The following ALPL variants were observed in gnomAD, a reference collection of about 807,000 sequenced individuals.
ALPL encodes alkaline phosphatase, tissue-nonspecific isozyme.
A neutral mutation model predicts 51.3 loss-of-function variants in ALPL; 42 were observed. The observed-to-expected ratio is 0.82, with a 90% CI of 0.64 to 1.06. The LOEUF (loss-of-function observed/expected upper bound fraction) is 1.06. Among genes scored for constraint, ALPL ranks in the 50% least tolerant of loss-of-function variants. The probability of loss-of-function intolerance (pLI) is 0.00; values close to 1 mark genes in which losing one functional copy is unlikely to be tolerated. For missense variants in ALPL, 589 were observed against 709.4 expected (o/e 0.83, Z 1.93); for synonymous variants, 279 against 296.4 (o/e 0.94, Z 0.60).
chr1:21,556,541 C>T (rs1469744012), intron 2 of ALPL, among the ~76,000 whole-genome samples: 1 of 152,092 alleles, frequency 6.6e-6, no homozygotes, highest in Non-Finnish European at 1.5e-5. Context: ...ACTTGGGAGG[C>T]TAAGGTGGGA....
In ALPL at chr1:21,577,478, C is replaced by T; in HGVS notation, c.1405C>T (p.His469Tyr). 6.2e-7 allele frequency: 1 copy of T among 1,610,306 alleles called. No homozygotes were observed. Among genetic ancestry groups the T allele is most frequent in the Non-Finnish European group, 8.5e-7 (1 of 1,179,922 alleles). ...CGTCTTCTCCAAGGGCCCCATGGCG[C>T]ACCTGCTGCACGGCGTCCACGAGCA... ...VAVFSKGPMA[H>Y]LLHGVHEQNY... Residue 469 changes from histidine (H) to tyrosine (Y), a missense_variant, in exon 12 of 12, where the codon CAC (histidine) becomes TAC (tyrosine). Transcript: ENST00000374840.
chr1:21,530,570 C>T (rs1430851346), intron 1 of ALPL, among the ~76,000 whole-genome samples: 3 of 152,086 alleles, frequency 2.0e-5, no homozygotes, highest in African/African-American at 7.2e-5. Flanking sequence ...TTCTCCCTCC[C>T]CCAGTGACTC....
intron 1 of ALPL, among the ~76,000 whole-genome samples, chr1:21,510,079 C>T (rs1412262680): frequency 1.3e-5 from 2 of 152,070 alleles, no homozygotes; most frequent in East Asian, 1.9e-4. Flanking sequence ...AGGACACCCG[C>T]GTGGGTGTCA....
Position 21,574,140 on chromosome 1 carries a change from G to A in ALPL, c.997+341G>A, listed in dbSNP as rs549836823. 31 of 985,478 alleles carry A rather than the reference G, an allele frequency of 3.1e-5. 1 individual carries two copies. The highest frequency in any genetic ancestry group is 5.2e-4 in the Middle Eastern group (1 of 1,914). 61.0% of individuals were successfully genotyped at this position (985,478 alleles called of 1,614,324 possible). A position where few individuals can be genotyped will look rare whatever the true frequency, so the allele number is the denominator to read the frequency against. ...ACTGCCCAGAAAAGCAAATCCGCAG[G>A]CCCCGGCTTTCCCACGCTGTGTGCT... On this transcript the variant is annotated intron_variant, in intron 9 of 11. Transcript: ENST00000374840.
At position 21,568,109 on chromosome 1, in the gene ALPL, C is replaced by G; in HGVS notation, c.654C>G (p.Ile218Met). The G allele has an allele frequency of 6.2e-7, 1 of 1,614,010 alleles. No homozygotes were observed. The highest frequency in any genetic ancestry group is 8.5e-7 in the Non-Finnish European group (1 of 1,180,004). Residue 218 changes from isoleucine (I) to methionine (M), a missense_variant, in exon 7 of 12, where the codon ATC (isoleucine) becomes ATG (methionine). By Grantham distance (10) the Ile-to-Met change is conservative. Transcript: ENST00000374840. The stretch of plus-strand genomic sequence containing the variant: ...ATGGCTCCTGTCTCTTTTAGGTGAT[C>G]ATGGGGGGTGGCCGGAAATACATGT... Reference protein sequence around the residue: ...LMHNIRDIDVIMGGGRKYMYP... With the variant: ...LMHNIRDIDVMMGGGRKYMYP...
At chr1:21,569,812 C>T (rs935455448) in intron 7 of ALPL, among the ~76,000 whole-genome samples, 6 of 152,186 alleles carry the variant, frequency 3.9e-5, no homozygotes, top group Admixed American at 6.5e-5. Flanking sequence ...GAAACAGCCA[C>T]GCCTTTATCT....
intron 1 of ALPL, among the ~76,000 whole-genome samples, chr1:21,534,594 G>A (rs1570209306): frequency 6.6e-6 from 1 of 152,146 alleles, no homozygotes; most frequent in African/African-American, 2.4e-5. Context: ...CAGCTCTGGG[G>A]CTGAACTCTA....
chr1:21,552,870 GT>G (rs1644352024), intron 1 of ALPL, among the ~76,000 whole-genome samples: 2 of 152,120 alleles, frequency 1.3e-5, no homozygotes, highest in African/African-American at 4.8e-5. Flanking sequence ...TCATATCTTG[GT>G]TTTGGCTGAA....
chr1:21,552,123 C>CCCCCCCCCCCCCCCCCCCCCCT (rs1553410475), intron 1 of ALPL, among the ~76,000 whole-genome samples: 2 of 50,186 alleles, frequency 4.0e-5, no homozygotes, highest in Non-Finnish European at 7.5e-5. Context: ...CTTCCCTTTC[C>CCCCCCCCCCCCCCCCCCCCCCT]TCCCTCCCCT....
At chr1:21,546,576 G>A (rs532185349) in intron 1 of ALPL, among the ~76,000 whole-genome samples, 4 of 152,208 alleles carry the variant, frequency 2.6e-5, no homozygotes, top group South Asian at 2.1e-4. Context: ...AGGCCCCTCC[G>A]TGCTGGCAAC....
At chr1:21,573,468 A>C (rs1644679948) in intron 8 of ALPL, among the ~76,000 whole-genome samples, 197 bp from the exon 9 acceptor site, 1 of 128,122 alleles carries the variant, frequency 7.8e-6, no homozygotes, top group East Asian at 6.2e-4. Flanking sequence ...AGAAAAAGAA[A>C]AAAGAAAAAA....
chr1:21,554,859 T>TTCTTTC (rs1644387831), intron 2 of ALPL, among the ~76,000 whole-genome samples: 1 of 133,940 alleles, frequency 7.5e-6, no homozygotes, highest in African/African-American at 2.8e-5. Context: ...CTTTCTTTCT[T>TTCTTTC]TCTTTCTTTC....
chr1:21,563,173 G>C lies in ALPL; in HGVS notation c.361G>C (p.Val121Leu), dbSNP rs1476072388. 1 of 1,613,818 alleles carries C rather than the reference G, an allele frequency of 6.2e-7. No individual in the cohort carries two copies. Among genetic ancestry groups the C allele is most frequent in the Admixed American group, 1.7e-5 (1 of 60,004 alleles). ...AGTATAYLCG[V>L]KANEGTVGVS... ...CACCGCCACCGCCTACCTGTGTGGG[G>C]TGAAGGCCAATGAGGGCACCGTGGG... Residue 121 changes from valine to leucine, a missense_variant, in exon 5 of 12, where the codon GTG (valine) becomes CTG (leucine). Physicochemically the swap from Val to Leu is conservative, Grantham distance 32. Transcript: ENST00000374840.
intron 6 of ALPL, 44 bp from the exon 7 acceptor site, chr1:21,568,060 G>T (rs767557047): frequency 1.7e-5 from 27 of 1,613,292 alleles, no homozygotes; most frequent in Non-Finnish European, 2.0e-5. Context: ...GGGCTTCTGG[G>T]CATCTTGGAA....
intron 1 of ALPL, among the ~76,000 whole-genome samples, chr1:21,513,907 T>C (rs1237437384): frequency 6.6e-6 from 1 of 152,186 alleles, no homozygotes; most frequent in Non-Finnish European, 1.5e-5. Flanking sequence ...CACGCCCCAC[T>C]GCCTCACACT....
At chr1:21,544,438 G>A (rs78566499) in intron 1 of ALPL, among the ~76,000 whole-genome samples, 16,060 of 152,250 alleles carry the variant, frequency 0.11, 909 homozygotes, top group Middle Eastern at 0.2. Context: ...ACCAAAAAGG[G>A]GGAATTTTAA....
At chr1:21,547,604 C>T (rs760124898) in intron 1 of ALPL, among the ~76,000 whole-genome samples, 36 of 152,338 alleles carry the variant, frequency 2.4e-4, no homozygotes, top group African/African-American at 7.0e-4. Flanking sequence ...CATTTGTTCT[C>T]GTGAGATGGA....
intron 1 of ALPL, among the ~76,000 whole-genome samples, chr1:21,549,425 C>A (rs1644292289): frequency 6.6e-6 from 1 of 152,158 alleles, no homozygotes; most frequent in Non-Finnish European, 1.5e-5. Context: ...CCACCTCACG[C>A]CTCAAAAGAC....
chr1:21,539,080 A>G (rs556653212), intron 1 of ALPL, among the ~76,000 whole-genome samples: 17 of 152,370 alleles, frequency 1.1e-4, no homozygotes, highest in South Asian at 8.3e-4. Context: ...TGTAATGTAC[A>G]TATTGCAGAG....
Sources: allele counts gnomAD v4.1 joint callset (sites outside exome capture counted in the v4.1 genomes callset), GRCh38; gene constraint gnomAD v4.1.1; transcripts MANE v1.5; gene names NCBI Gene and HGNC (gene_info 2026-07-23, HGNC 2026-07-21).